Variants in GSE1 observed in about 807,000 individuals in gnomAD.
GSE1 encodes genetic suppressor element 1.
GSE1 carries 32 observed loss-of-function variants against 112.6 expected under a neutral mutation model. The ratio of observed to expected loss-of-function variants is 0.28; its 90% CI spans 0.21 to 0.38. GSE1 has a LOEUF of 0.38. Ranked by LOEUF, GSE1 falls within the 10% of genes least tolerant of loss-of-function variation. The pLI is 1.00. For synonymous variants in GSE1, 1,115 were observed against 735.6 expected (o/e 1.52, Z -8.35); for missense variants, 2,348 against 1,699.2 (o/e 1.38, Z -6.71).
At chr16:85,534,953 G>T (rs2044272922) in intron 2 of GSE1, among the ~76,000 whole-genome samples, 1 of 152,190 alleles carries the variant, frequency 6.6e-6, no homozygotes, top group African/African-American at 2.4e-5. Flanking sequence ...GAGGAATGAG[G>T]AGCCCGTGGT....
chr16:85,497,186 A>G (rs1218163038), intron 2 of GSE1, among the ~76,000 whole-genome samples: 1 of 152,212 alleles, frequency 6.6e-6, no homozygotes. Context: ...GGCGTGAGCC[A>G]CCATGCCTGG....
chr16:85,188,955 A>C (rs1597754568), intron 1 of GSE1, among the ~76,000 whole-genome samples: 1 of 152,334 alleles, frequency 6.6e-6, no homozygotes. Flanking sequence ...AGAGAGGATC[A>C]GTGGCTTTTA....
chr16:85,465,112 T>G (rs2050087479), intron 2 of GSE1, among the ~76,000 whole-genome samples: 1 of 152,250 alleles, frequency 6.6e-6, no homozygotes. Flanking sequence ...CACTGGCATC[T>G]CTTCCTTCAG....
intron 12 of GSE1, among the ~76,000 whole-genome samples, chr16:85,665,570 C>A (rs984498454): frequency 6.9e-6 from 1 of 145,340 alleles, no homozygotes; most frequent in East Asian, 2.3e-4. Context: ...CCTGCCGGCA[C>A]CTGCCGCCAC....
chr16:85,317,519 G>A (rs1348162210), intron 1 of GSE1, among the ~76,000 whole-genome samples: 3 of 152,168 alleles, frequency 2.0e-5, no homozygotes, highest in Non-Finnish European at 4.4e-5. Flanking sequence ...CAGCCCCCGT[G>A]GTCCGTGGCA....
chr16:85,649,376 G>A (rs2051144414), intron 3 of GSE1, among the ~76,000 whole-genome samples: 1 of 152,232 alleles, frequency 6.6e-6, no homozygotes. Context: ...TCTGTGAACT[G>A]AACAAAGAAT....
chr16:85,323,317 G>A (rs1412160289), intron 1 of GSE1, among the ~76,000 whole-genome samples: 1 of 152,138 alleles, frequency 6.6e-6, no homozygotes, highest in Non-Finnish European at 1.5e-5. Context: ...TGGAGACCAC[G>A]AAATGGCAAG....
rs113856584 is a variant in GSE1, at chr16:85,579,188, A to G, written c.37+22825A>G. Among the ~76,000 whole-genome samples, 563 of 152,280 alleles carry G rather than the reference A, an allele frequency of 3.7e-3. 3 individuals carry two copies. The highest frequency in any genetic ancestry group is 0.013 in the African/African-American group (545 of 41,560). ...GGGGGAACCCGAGTGGTTTAGGAGCAACGCTGGTCGGGGTGGAGGGGACCC... is the reference window on the plus strand; with the variant it reads ...GGGGGAACCCGAGTGGTTTAGGAGCGACGCTGGTCGGGGTGGAGGGGACCC... On this transcript the variant is annotated intron_variant, in intron 1 of 2. Coordinates refer to the GSE1 transcript ENST00000635906.
chr16:85,180,046 G>T (rs1327253668), intron 1 of GSE1, among the ~76,000 whole-genome samples: 1 of 152,242 alleles, frequency 6.6e-6, no homozygotes, highest in Non-Finnish European at 1.5e-5. Flanking sequence ...GAAGACCTGG[G>T]CGGTTGGGGT....
intron 11 of GSE1, 84 bp downstream of exon 11, chr16:85,663,698 C>T (rs1377416506): frequency 1.5e-6 from 2 of 1,355,316 alleles, no homozygotes; most frequent in Non-Finnish European, 2.0e-6. Flanking sequence ...CGGTGGACTC[C>T]AGGCAGGATC....
rs79083253 is a variant in GSE1, at chr16:85,631,335, C to G, written c.8-2579C>G. ...CAGGCACCAGGACAAGAGCTCTGGT[C>G]TCCCCCATCCTCCAGTGTCCTGTGG... is the stretch of plus-strand genomic sequence containing the variant. On this transcript the variant is annotated intron_variant, in intron 1 of 15. Coordinates refer to ENST00000253458, the MANE Select transcript of GSE1 (RefSeq NM_014615.5). Among the ~76,000 whole-genome samples, 274 of 152,384 alleles carry G rather than the reference C, an allele frequency of 1.8e-3. 2 individuals are homozygous for G. The highest frequency in any genetic ancestry group is 6.4e-3 in the African/African-American group (266 of 41,598).
intron 2 of GSE1, among the ~76,000 whole-genome samples, chr16:85,470,314 G>A (rs1301864405): frequency 6.6e-6 from 1 of 152,150 alleles, no homozygotes; most frequent in African/African-American, 2.4e-5. Flanking sequence ...GGGGCTCGGC[G>A]CCCCTCAGTG....
At chr16:85,472,055 AGATAC>A (rs2050311697) in intron 2 of GSE1, among the ~76,000 whole-genome samples, 1 of 152,138 alleles carries the variant, frequency 6.6e-6, no homozygotes, top group African/African-American at 2.4e-5. Context: ...TCTGCTCACG[AGATAC>A]CAGTAATACT....
chr16:85,546,093 T>C (rs2044690759), intron 2 of GSE1, among the ~76,000 whole-genome samples: 1 of 151,750 alleles, frequency 6.6e-6, no homozygotes, highest in South Asian at 2.1e-4. Context: ...CCATTAGTTT[T>C]TTATTTTTCT....
intron 1 of GSE1, among the ~76,000 whole-genome samples, chr16:85,337,574 G>A (rs1439035465): frequency 1.3e-5 from 2 of 152,146 alleles, no homozygotes; most frequent in Admixed American, 1.3e-4. Context: ...CAAAGTGCTG[G>A]GATTACAGGC....
chr16:85,270,080 G>A (rs1343855474), intron 1 of GSE1, among the ~76,000 whole-genome samples: 1 of 149,170 alleles, frequency 6.7e-6, no homozygotes, highest in African/African-American at 2.4e-5. Context: ...CTTCCATGCG[G>A]CTATGTTACC....
chr16:85,353,587 T>A (rs767394304), intron 1 of GSE1, among the ~76,000 whole-genome samples: 5 of 152,206 alleles, frequency 3.3e-5, no homozygotes, highest in African/African-American at 7.2e-5. Context: ...TAGTCCCAAC[T>A]ACCTGGGAAG....
intron 1 of GSE1, among the ~76,000 whole-genome samples, chr16:85,238,375 C>T (rs917940090): frequency 3.9e-5 from 6 of 152,328 alleles, no homozygotes; most frequent in Middle Eastern, 3.4e-3. Flanking sequence ...GGCGGTGTTC[C>T]GGAGACATCC....
chr16:85,188,717 C>T lies in GSE1; in HGVS notation c.2283+16910C>T, dbSNP rs931251712. ...GGGGGAGGCTGAGGCAGGAGGATTACTTGAGCCGAGGAGTTCAAGGCTGCA... is the reference window on the plus strand; with the variant it reads ...GGGGGAGGCTGAGGCAGGAGGATTATTTGAGCCGAGGAGTTCAAGGCTGCA... On this transcript the variant is annotated intron_variant, in intron 1 of 2. Transcript: ENST00000637419. Among the ~76,000 whole-genome samples the T allele has an allele frequency of 1.3e-5, 2 of 151,860 alleles. 1 individual carries two copies. The highest frequency in any genetic ancestry group is 4.2e-4 in the South Asian group (2 of 4,804).
Sources: gnomAD v4.1 joint callset for allele counts (sites outside exome capture counted in the v4.1 genomes callset) on GRCh38, gnomAD v4.1.1 for gene constraint, MANE v1.5 for transcripts, NCBI Gene and HGNC (gene_info 2026-07-23, HGNC 2026-07-21) for gene names.